HEMK2: variants seen among roughly 807,000 people sequenced by gnomAD.
HEMK2 encodes the protein methyltransferase HEMK2.
At chr21:28,704,881 C>T in the HEMK2 span, among the ~76,000 whole-genome samples, 1 of 152,202 alleles carries the variant, frequency 6.6e-6, no homozygotes, top group Admixed American at 6.5e-5. Context: ...CCAGGTGGAG[C>T]ATGTAAAGGC....
chr21:28,800,216 G>A, the HEMK2 span, among the ~76,000 whole-genome samples: 2 of 152,094 alleles, frequency 1.3e-5, no homozygotes, highest in African/African-American at 4.8e-5. Context: ...TAAAGCAGTG[G>A]TGCTTAAACA....
the HEMK2 span, among the ~76,000 whole-genome samples, chr21:28,728,833 T>G: frequency 6.6e-6 from 1 of 152,186 alleles, no homozygotes; most frequent in African/African-American, 2.4e-5. Flanking sequence ...CTGAAGACAG[T>G]ACATTTTAAT....
At chr21:28,776,902 G>A in the HEMK2 span, among the ~76,000 whole-genome samples, 1 of 152,138 alleles carries the variant, frequency 6.6e-6, no homozygotes, top group African/African-American at 2.4e-5. Flanking sequence ...CTCCCAGATT[G>A]AGGGTGGGCC....
chr21:28,836,395 T>C, the HEMK2 span, among the ~76,000 whole-genome samples: 1 of 151,742 alleles, frequency 6.6e-6, no homozygotes, highest in Admixed American at 6.6e-5. Context: ...CTAAGCATCA[T>C]ATATGAAGGA....
chr21:28,620,962 C>T, the HEMK2 span, among the ~76,000 whole-genome samples: 1 of 151,984 alleles, frequency 6.6e-6, no homozygotes, highest in Non-Finnish European at 1.5e-5. Flanking sequence ...TGAGCCACCG[C>T]ACCTGGCCCT....
chr21:28,610,309 T>G, the HEMK2 span, among the ~76,000 whole-genome samples: 1 of 152,286 alleles, frequency 6.6e-6, no homozygotes, highest in South Asian at 2.1e-4. Flanking sequence ...AAAACTAAAT[T>G]TTGTAAATGA....
chr21:28,795,409 C>A, the HEMK2 span, among the ~76,000 whole-genome samples: 7 of 152,238 alleles, frequency 4.6e-5, no homozygotes, highest in African/African-American at 7.2e-5. Flanking sequence ...AAAAAAAAAT[C>A]TTTCTAATGA....
chr21:28,608,540 A>ACC, the HEMK2 span, among the ~76,000 whole-genome samples: 1 of 152,172 alleles, frequency 6.6e-6, no homozygotes, highest in South Asian at 2.1e-4. Context: ...ATAACAGGAA[A>ACC]CCCAAGAGAA....
chr21:28,614,174 T>C, the HEMK2 span, among the ~76,000 whole-genome samples: 1 of 152,146 alleles, frequency 6.6e-6, no homozygotes, highest in East Asian at 1.9e-4. Flanking sequence ...CTAACCATGG[T>C]AGGTAATTGA....
chr21:28,705,380 C>T, the HEMK2 span, among the ~76,000 whole-genome samples: 7 of 152,140 alleles, frequency 4.6e-5, no homozygotes, highest in South Asian at 4.2e-4. Context: ...TAAATAATTT[C>T]TTCAGGAGGC....
chr21:28,813,973 A>G, the HEMK2 span, among the ~76,000 whole-genome samples: 2 of 152,132 alleles, frequency 1.3e-5, no homozygotes, highest in African/African-American at 4.8e-5. Flanking sequence ...GGTGGCTCAC[A>G]CTTGTCTTAA....
At chr21:28,684,038 T>C in the HEMK2 span, among the ~76,000 whole-genome samples, 3 of 152,224 alleles carry the variant, frequency 2.0e-5, no homozygotes, top group African/African-American at 7.2e-5. Context: ...ATTCCCATCT[T>C]AAACTATTAA....
chr21:28,652,271 G>A, the HEMK2 span, among the ~76,000 whole-genome samples: 3 of 152,088 alleles, frequency 2.0e-5, no homozygotes, highest in Admixed American at 2.0e-4. Context: ...CCTCTTCACT[G>A]GGGAAATCCC....
At chr21:28,807,245 T>G in the HEMK2 span, among the ~76,000 whole-genome samples, 1 of 152,140 alleles carries the variant, frequency 6.6e-6, no homozygotes, top group East Asian at 1.9e-4. Flanking sequence ...ATACTTCCCC[T>G]AGTCTACTGC....
the HEMK2 span, among the ~76,000 whole-genome samples, chr21:28,765,574 T>C: frequency 6.6e-6 from 1 of 152,134 alleles, no homozygotes; most frequent in Non-Finnish European, 1.5e-5. Flanking sequence ...GGTTTGCAAA[T>C]TATTGGATTT....
the HEMK2 span, among the ~76,000 whole-genome samples, chr21:28,691,166 C>T: frequency 6.6e-6 from 1 of 152,144 alleles, no homozygotes; most frequent in South Asian, 2.1e-4. Flanking sequence ...TCACTTCTTT[C>T]TCATTCATTC....
chr21:28,712,203 A>G, the HEMK2 span, among the ~76,000 whole-genome samples: 34 of 152,252 alleles, frequency 2.2e-4, no homozygotes, highest in African/African-American at 8.2e-4. Context: ...GTTGCCCACC[A>G]CCATGATCTG....
At chr21:28,876,230 A>C in the HEMK2 span, 4 of 434,712 alleles carry the variant, frequency 9.2e-6, no homozygotes, top group East Asian at 3.5e-5. Flanking sequence ...TGTGCAAATA[A>C]TTCTATAGGC....
chr21:28,577,812 T>C, the HEMK2 span, among the ~76,000 whole-genome samples: 2 of 152,202 alleles, frequency 1.3e-5, no homozygotes, highest in South Asian at 2.1e-4. Flanking sequence ...CAATTCATCA[T>C]TAAACCCTCT....
Sources: gnomAD v4.1 joint callset for allele counts (sites outside exome capture counted in the v4.1 genomes callset) on GRCh38, gnomAD v4.1.1 for gene constraint, MANE v1.5 for transcripts, NCBI Gene and HGNC (gene_info 2026-07-23, HGNC 2026-07-21) for gene names.